SGCD: variants seen among roughly 807,000 people sequenced by gnomAD.
The protein encoded by SGCD is delta-sarcoglycan.
SGCD carries 18 observed loss-of-function variants against 36.6 expected under a neutral mutation model. The ratio of observed to expected loss-of-function variants is 0.49; its 90% CI spans 0.34 to 0.73. SGCD has a LOEUF of 0.73. Ranked by LOEUF, SGCD falls within the 30% of genes least tolerant of loss-of-function variation. The pLI is 0.01. For missense variants in SGCD, 387 were observed against 346.7 expected (o/e 1.12, Z -0.92); for synonymous variants, 133 against 130.6 (o/e 1.02, Z -0.12).
chr5:155,822,244 G>A, the SGCD span, among the ~76,000 whole-genome samples: 1 of 152,112 alleles, frequency 6.6e-6, no homozygotes, highest in South Asian at 2.1e-4. Context: ...AGCCATTATA[G>A]GCACCTTTTC....
At chr5:155,983,780 G>A (rs963364232) in intron 1 of SGCD, among the ~76,000 whole-genome samples, 2 of 152,190 alleles carry the variant, frequency 1.3e-5, no homozygotes, top group Non-Finnish European at 2.9e-5. Context: ...TTTGGTAGAT[G>A]TTAAGTCAAA....
intron 3 of SGCD, among the ~76,000 whole-genome samples, chr5:156,132,676 G>T (rs987639605): frequency 1.3e-5 from 2 of 151,370 alleles, no homozygotes; most frequent in African/African-American, 4.9e-5. Flanking sequence ...CACCGTGTTA[G>T]CCAGGATGGT....
chr5:156,284,186 T>A lies in SGCD; in HGVS notation c.-43-45348T>A, dbSNP rs1237370822. On this transcript the variant is annotated intron_variant, in intron 3 of 9. Transcript: ENST00000517913. Reference sequence around the variant, plus strand: ...TGAAATTGAGGCAATAATTAATAGCTTACCAACAAAAAAAGTCCAGGACCA... The same window carrying A: ...TGAAATTGAGGCAATAATTAATAGCATACCAACAAAAAAAGTCCAGGACCA... Among the ~76,000 whole-genome samples, 3 of 152,072 alleles carry A rather than the reference T, an allele frequency of 2.0e-5. No individual in the cohort carries two copies. The East Asian group carries it at 5.8e-4, about 29-fold the overall frequency.
intron 7 of SGCD, among the ~76,000 whole-genome samples, chr5:156,686,295 A>G (rs1035081311): frequency 7.2e-5 from 11 of 152,142 alleles, no homozygotes; most frequent in Admixed American, 1.3e-4. Context: ...AAATCTAAAG[A>G]CCCCTAGGTT....
chr5:156,285,697 G>T (rs970787093), intron 3 of SGCD, among the ~76,000 whole-genome samples: 16 of 152,070 alleles, frequency 1.1e-4, no homozygotes, highest in African/African-American at 3.9e-4. Flanking sequence ...AGACTTAAAC[G>T]TTGGACCTAA....
At chr5:156,242,154 T>G (rs1433789918) in intron 3 of SGCD, among the ~76,000 whole-genome samples, 4 of 152,238 alleles carry the variant, frequency 2.6e-5, no homozygotes, top group African/African-American at 7.2e-5. Flanking sequence ...ATATCTATAC[T>G]GTGGCATATT....
At chr5:155,904,567 C>A (rs776527046) in intron 1 of SGCD, among the ~76,000 whole-genome samples, 12 of 151,782 alleles carry the variant, frequency 7.9e-5, no homozygotes, top group Non-Finnish European at 1.2e-4. Flanking sequence ...ATAATTACGC[C>A]CTAAATGCTT....
rs143384025 is a variant in SGCD at position 156,676,131 on chromosome 5, A to G, written c.575+28595A>G. 4.0e-4 allele frequency among the ~76,000 whole-genome samples: 61 copies of G among 152,302 alleles called. No individual in the cohort carries two copies. The East Asian group carries it at 4.8e-3, about 12-fold the overall frequency. On this transcript the variant is annotated intron_variant, in intron 7 of 8. Transcript: ENST00000337851. ...CAAGAGAGTGTCCATTTATTCTTCA[A>G]TACGTTCATACAGTTTTTGATCCTC... is the stretch of plus-strand genomic sequence containing the variant.
the SGCD span, among the ~76,000 whole-genome samples, chr5:155,805,938 A>G: frequency 1.3e-5 from 2 of 152,206 alleles, no homozygotes; most frequent in Non-Finnish European, 2.9e-5. Context: ...GGAAGCAGTT[A>G]GAAGCAGACC....
the SGCD span, among the ~76,000 whole-genome samples, chr5:155,810,794 G>C: frequency 1.5e-5 from 1 of 67,528 alleles, no homozygotes; most frequent in Non-Finnish European, 2.7e-5. Flanking sequence ...TTTAGTGTCT[G>C]CTTTTTTTTT....
chr5:156,697,104 G>T (rs548983623), intron 7 of SGCD, among the ~76,000 whole-genome samples: 1 of 151,910 alleles, frequency 6.6e-6, no homozygotes, highest in Non-Finnish European at 1.5e-5. Flanking sequence ...ATTGCCTTAG[G>T]GGGTAGCAGC....
At chr5:156,340,772 A>G (rs1768609451) in intron 2 of SGCD, among the ~76,000 whole-genome samples, 1 of 152,344 alleles carries the variant, frequency 6.6e-6, no homozygotes, top group African/African-American at 2.4e-5. Context: ...CCCGGGCAGT[A>G]CATTTGTTCC....
chr5:156,031,239 C>T (rs1054690314), intron 1 of SGCD, among the ~76,000 whole-genome samples: 1 of 152,214 alleles, frequency 6.6e-6, no homozygotes, highest in South Asian at 2.1e-4. Context: ...GCATTTCTAA[C>T]AAGTTCTCAG....
At chr5:156,597,275 G>A (rs1008636812) in intron 6 of SGCD, among the ~76,000 whole-genome samples, 1 of 150,628 alleles carries the variant, frequency 6.6e-6, no homozygotes, top group Non-Finnish European at 1.5e-5. Flanking sequence ...GGTTGTAGGC[G>A]AGTATATTAG....
Position 156,051,812 on chromosome 5 carries a change from G to A in SGCD, c.-281-66066G>A, listed in dbSNP as rs1759923720. On this transcript the variant is annotated intron_variant, in intron 1 of 9. Coordinates refer to the SGCD transcript ENST00000517913. ...GTGGATAAACCTGAAGTTTGGGAAGGAGCCAACCCTGTCTGTATGTTTTAG... is the reference window on the plus strand; with the variant it reads ...GTGGATAAACCTGAAGTTTGGGAAGAAGCCAACCCTGTCTGTATGTTTTAG... Among the ~76,000 whole-genome samples, 2 of 145,958 alleles carry A rather than the reference G, an allele frequency of 1.4e-5. 1 individual carries two copies. Among genetic ancestry groups the A allele is most frequent in the African/African-American group, 4.9e-5 (2 of 40,566 alleles).
At chr5:156,505,987 C>T (rs1756677396) in intron 3 of SGCD, among the ~76,000 whole-genome samples, 1 of 152,152 alleles carries the variant, frequency 6.6e-6, no homozygotes, top group South Asian at 2.1e-4. Context: ...AATTCAGCCT[C>T]CCTGGGTATC....
chr5:156,518,423 G>C (rs1561750225), intron 4 of SGCD, among the ~76,000 whole-genome samples: 1 of 152,146 alleles, frequency 6.6e-6, no homozygotes, highest in Non-Finnish European at 1.5e-5. Context: ...ATATTAGACG[G>C]ATCATCAACA....
At chr5:155,800,927 T>G in the SGCD span, among the ~76,000 whole-genome samples, 1 of 152,228 alleles carries the variant, frequency 6.6e-6, no homozygotes, top group Admixed American at 6.5e-5. Context: ...TTCACCACAG[T>G]TAAATCATGC....
At chr5:156,602,560 A>C (rs887824055) in intron 6 of SGCD, among the ~76,000 whole-genome samples, 14 of 152,128 alleles carry the variant, frequency 9.2e-5, no homozygotes, top group African/African-American at 3.1e-4. Context: ...CTTCCCATTC[A>C]GTATGATGTT....
Sources: gnomAD v4.1 joint callset for allele counts (sites outside exome capture counted in the v4.1 genomes callset) on GRCh38, gnomAD v4.1.1 for gene constraint, MANE v1.5 for transcripts, NCBI Gene and HGNC (gene_info 2026-07-23, HGNC 2026-07-21) for gene names.